Variants in ABLIM2 observed in about 807,000 individuals in gnomAD.
ABLIM2 encodes the protein actin-binding LIM protein 2.
A neutral mutation model predicts 97.7 loss-of-function variants in ABLIM2; 53 were observed. The observed-to-expected ratio is 0.54, with a 90% CI of 0.44 to 0.68. ABLIM2 has a LOEUF of 0.68. ABLIM2 is among the 30% of genes least tolerant of loss of function. The pLI is 0.00. For missense variants in ABLIM2, 835 were observed against 867.2 expected (o/e 0.96, Z 0.47); for synonymous variants, 361 against 345.8 (o/e 1.04, Z -0.49).
At chr4:8,153,966 T>TTC (rs937185051) in intron 1 of ABLIM2, among the ~76,000 whole-genome samples, 19 of 148,058 alleles carry the variant, frequency 1.3e-4, no homozygotes, top group South Asian at 2.2e-4. Flanking sequence ...TTCTTTTCTT[T>TTC]TTTTTTTTTT....
rs1840926444 is a variant in ABLIM2 at position 8,112,685 on chromosome 4, AG to A, written c.11-6049del. ...CCAGGGACACCACAGTGAACACAAC[AG>A]CCACGGTCCCAGCCCTCGACATTCT... On this transcript the variant is annotated intron_variant, in intron 1 of 20. Transcript: ENST00000447017. The surrounding 1 kb of genome is among the most constrained non-coding windows in gnomAD (Gnocchi z 4.2). Among the ~76,000 whole-genome samples, 1 of 152,178 alleles carries A rather than the reference AG, an allele frequency of 6.6e-6. No homozygotes were observed. The highest frequency in any genetic ancestry group is 2.4e-5 in the African/African-American group (1 of 41,440).
At chr4:8,055,258 T>G (rs1798340663) in intron 7 of ABLIM2, among the ~76,000 whole-genome samples, 1 of 152,242 alleles carries the variant, frequency 6.6e-6, no homozygotes, top group African/African-American at 2.4e-5. Context: ...CTTCCCATCC[T>G]TCAGGATCTG....
In ABLIM2 at chr4:8,085,330, C is replaced by G. The variant is rs558649627; in HGVS notation, c.454+2839G>C. ...TCTGGACTGACTTGACTCTACCCCACTCCACAACCATCTATTGCTCCTCAC... is the reference window on the plus strand; with the variant it reads ...TCTGGACTGACTTGACTCTACCCCAGTCCACAACCATCTATTGCTCCTCAC... On this transcript the variant is annotated intron_variant, in intron 4 of 20. Coordinates refer to ENST00000447017, the MANE Select transcript of ABLIM2 (RefSeq NM_001130083.2). This position sits in a 1 kb window ranked among gnomAD's most constrained non-coding sequence, Gnocchi z 6.1. Among the ~76,000 whole-genome samples, 1 of 152,330 alleles carries G rather than the reference C, an allele frequency of 6.6e-6. No individual in the cohort carries two copies. The highest frequency in any genetic ancestry group is 2.1e-4 in the South Asian group (1 of 4,822).
intron 14 of ABLIM2, among the ~76,000 whole-genome samples, chr4:8,017,104 C>T (rs1236373590): frequency 1.3e-5 from 2 of 152,132 alleles, no homozygotes; most frequent in African/African-American, 4.8e-5. Flanking sequence ...ACACTTATTC[C>T]TGACCTGTTA....
rs1272915863 is a variant in ABLIM2, at chr4:8,022,363, T to C, written c.1268-2060A>G. 2.0e-5 allele frequency among the ~76,000 whole-genome samples: 3 copies of C among 152,176 alleles called. No homozygotes were observed. Among genetic ancestry groups the C allele is most frequent in the Admixed American group, 6.5e-5 (1 of 15,278 alleles). ...TTCCCAGCCACAGGGCAGCATCCCC[T>C]GAAGTTTCAAACCAGAGTCTGTGGA... On this transcript the variant is annotated intron_variant, in intron 12 of 20. Coordinates refer to ENST00000447017, the MANE Select transcript of ABLIM2 (RefSeq NM_001130083.2). The surrounding 1 kb of genome is among the most constrained non-coding windows in gnomAD (Gnocchi z 7.8).
Position 8,075,752 on chromosome 4 carries a change from T to C in ABLIM2, c.675+1876A>G, listed in dbSNP as rs1815618598. Among the ~76,000 whole-genome samples the C allele has an allele frequency of 6.6e-6, 1 of 152,184 alleles. No homozygotes were observed. The highest frequency in any genetic ancestry group is 1.5e-5 in the Non-Finnish European group (1 of 68,036). On this transcript the variant is annotated intron_variant, in intron 6 of 20. Coordinates refer to ENST00000447017, the MANE Select transcript of ABLIM2 (RefSeq NM_001130083.2). The surrounding 1 kb of genome is among the most constrained non-coding windows in gnomAD (Gnocchi z 4.4). The stretch of plus-strand genomic sequence containing the variant: ...CTTTAAATGGGCAAATTGTGAACTC[T>C]ATCTCAATGAAGCTATTTAAAAAGA...
In ABLIM2 at chr4:8,071,316, C is replaced by T. The variant is rs1294301156; in HGVS notation, c.675+6312G>A. Among the ~76,000 whole-genome samples, 2 of 152,112 alleles carry T rather than the reference C, an allele frequency of 1.3e-5. No homozygotes were observed. The highest frequency in any genetic ancestry group is 1.3e-4 in the Admixed American group (2 of 15,278). On this transcript the variant is annotated intron_variant, in intron 6 of 20. Coordinates refer to ENST00000447017, the MANE Select transcript of ABLIM2 (RefSeq NM_001130083.2). This position sits in a 1 kb window ranked among gnomAD's most constrained non-coding sequence, Gnocchi z 6.2. ...GATATCAGCCCCTCCCATGCCCCCA[C>T]AGGACCCCAGCAAGGAGCCGGCTCA...
rs564062176 is a variant in ABLIM2, at chr4:8,025,089, G to A, written c.1267+2670C>T. On this transcript the variant is annotated intron_variant, in intron 12 of 20. Coordinates refer to ENST00000447017, the MANE Select transcript of ABLIM2 (RefSeq NM_001130083.2). ...GGACCACAGGTGCGCCACCACACCCGGCTAATTTTTGTATTTTTAGTAGAG... is the reference window on the plus strand; with the variant it reads ...GGACCACAGGTGCGCCACCACACCCAGCTAATTTTTGTATTTTTAGTAGAG... Among the ~76,000 whole-genome samples, 63 of 152,216 alleles carry A rather than the reference G, an allele frequency of 4.1e-4. 2 individuals carry two copies. The South Asian group carries it at 0.013, about 31-fold the overall frequency.
At chr4:8,034,921 G>A (rs1304527151) in intron 10 of ABLIM2, among the ~76,000 whole-genome samples, 2 of 118,900 alleles carry the variant, frequency 1.7e-5, no homozygotes, top group Non-Finnish European at 3.5e-5. Context: ...GGTGGTGGGT[G>A]GTAGGTAGGT....
chr4:7,971,053 A>G (rs530397005), intron 20 of ABLIM2, among the ~76,000 whole-genome samples: 19 of 152,140 alleles, frequency 1.2e-4, no homozygotes, highest in Non-Finnish European at 2.8e-4. Flanking sequence ...GGGTCTGTTC[A>G]TAACTCTGGG....
chr4:7,974,266 T>G (rs2149448309), intron 20 of ABLIM2, among the ~76,000 whole-genome samples: 1 of 150,726 alleles, frequency 6.6e-6, no homozygotes, highest in African/African-American at 2.4e-5. Flanking sequence ...TATCCACCCA[T>G]GCATTCATCC....
intron 1 of ABLIM2, among the ~76,000 whole-genome samples, chr4:8,156,162 G>T (rs1715250268): frequency 6.6e-6 from 1 of 152,128 alleles, no homozygotes. Flanking sequence ...GGTGCCCACT[G>T]GTGGCAGACC....
At chr4:8,014,417 T>C (rs76072214) in intron 14 of ABLIM2, among the ~76,000 whole-genome samples, 4,804 of 152,326 alleles carry the variant, frequency 0.032, 107 homozygotes, top group Middle Eastern at 0.058. Context: ...ATAATCTCTA[T>C]CTCTACAATT....
In ABLIM2 at chr4:7,966,769, A is replaced by G; in HGVS notation, c.*221T>C. On this transcript the variant is annotated 3_prime_UTR_variant, in exon 21 of 21. Coordinates refer to ENST00000447017, the MANE Select transcript of ABLIM2 (RefSeq NM_001130083.2). The stretch of plus-strand genomic sequence containing the variant: ...CAGCCTCTCCCTGACACCAAGCCAC[A>G]GCGGGGAAGGGTGGCGTGAAGCTAG... 1.8e-6 allele frequency: 1 copy of G among 552,726 alleles called. No homozygotes were observed. The allele number at this position is 552,726 out of a possible 1,614,324, so 34.2% of individuals were successfully genotyped here. A position where few individuals can be genotyped will look rare whatever the true frequency, so the allele number is the denominator to read the frequency against.
At chr4:8,158,095 G>A (rs1715984128) in intron 1 of ABLIM2, among the ~76,000 whole-genome samples, 1 of 152,204 alleles carries the variant, frequency 6.6e-6, no homozygotes, top group African/African-American at 2.4e-5. Context: ...GCAGGGGTGC[G>A]ACGCGCAGGG....
intron 1 of ABLIM2, among the ~76,000 whole-genome samples, chr4:8,154,247 C>G (rs1329045161): frequency 6.7e-6 from 1 of 148,396 alleles, no homozygotes; most frequent in East Asian, 2.0e-4. Context: ...CAGGCGTGAG[C>G]CACCGCACCC....
chr4:8,058,103 G>A lies in ABLIM2; in HGVS notation c.763+2864C>T, dbSNP rs1392775476. ...AGGGCGCCTTTGTTCCTGAGATGAG[G>A]TTACCCTTGATGTGAACTCGTGTCC... On this transcript the variant is annotated intron_variant, in intron 7 of 20. Coordinates refer to ENST00000447017, the MANE Select transcript of ABLIM2 (RefSeq NM_001130083.2). The surrounding 1 kb of genome is among the most constrained non-coding windows in gnomAD (Gnocchi z 4.2). 6.6e-6 allele frequency among the ~76,000 whole-genome samples: 1 copy of A among 152,236 alleles called. No homozygotes were observed. The highest frequency in any genetic ancestry group is 3.2e-3 in the Middle Eastern group (1 of 316).
Position 8,096,405 on chromosome 4 carries a change from A to G in ABLIM2, c.338+694T>C, listed in dbSNP as rs976264121. Among the ~76,000 whole-genome samples, 12 of 152,048 alleles carry G rather than the reference A, an allele frequency of 7.9e-5. 1 individual carries two copies. The highest frequency in any genetic ancestry group is 1.5e-4 in the Non-Finnish European group (10 of 68,008). On this transcript the variant is annotated intron_variant, in intron 3 of 20. Coordinates refer to ENST00000447017, the MANE Select transcript of ABLIM2 (RefSeq NM_001130083.2). The stretch of plus-strand genomic sequence containing the variant: ...TAAGCCACGTACACAAAAATCAAAC[A>G]CTCGGATAATCCCTGGGAGAGAGAG...
At chr4:8,144,850 C>T (rs888611364) in intron 1 of ABLIM2, among the ~76,000 whole-genome samples, 6 of 152,242 alleles carry the variant, frequency 3.9e-5, no homozygotes, top group African/African-American at 1.4e-4. Flanking sequence ...CATAAAAATG[C>T]ACCATCCGCA....
Sources: allele counts gnomAD v4.1 joint callset (sites outside exome capture counted in the v4.1 genomes callset), GRCh38; gene constraint gnomAD v4.1.1; non-coding constraint Gnocchi (gnomAD v3.1); transcripts MANE v1.5; gene names NCBI Gene and HGNC (gene_info 2026-07-23, HGNC 2026-07-21).